SLC4A8: variants seen among roughly 807,000 people sequenced by gnomAD.
SLC4A8 encodes solute carrier family 4 member 8.
Under a neutral mutation model 125.0 loss-of-function variants are expected in SLC4A8, and 40 were observed. The observed-to-expected ratio is 0.32, with a 90% confidence interval of 0.25 to 0.42. The LOEUF (loss-of-function observed/expected upper bound fraction) is 0.42. Ranked by LOEUF, SLC4A8 falls within the 10% of genes least tolerant of loss-of-function variation. SLC4A8 has a pLI of 1.00. For synonymous variants in SLC4A8, 456 were observed against 476.0 expected (o/e 0.96, Z 0.55); for missense variants, 863 against 1,355.1 (o/e 0.64, Z 5.70).
At chr12:51,507,355 C>A in intron 24 of SLC4A8, 71 bp from the exon 25 acceptor site, 1 of 1,054,950 alleles carries the variant, frequency 9.5e-7, no homozygotes, top group South Asian at 3.5e-5. Flanking sequence ...GTGACATCTT[C>A]AAAGTATTGT....
chr12:51,452,135 C>T lies in SLC4A8; in HGVS notation c.289C>T (p.Gln97Ter). ...GGTTGATTTCCTAGACACACCATCTCAGCGTGTTCAGTTCATTCTTGGCAC... is the reference window on the plus strand; with the variant it reads ...GGTTGATTTCCTAGACACACCATCTTAGCGTGTTCAGTTCATTCTTGGCAC... ...LEALAHDTPS[Q>*]RVQFILGTEE... The change falls in exon 4 of 25, where the codon CAG becomes TAG. Residue 97 changes from glutamine to a stop codon, truncating the protein, a stop_gained. Coordinates refer to ENST00000453097, the MANE Select transcript of SLC4A8 (RefSeq NM_001039960.3). LOFTEE classifies it high-confidence loss of function. 6.2e-7 allele frequency: 1 copy of T among 1,614,128 alleles called. No homozygotes were observed. Among genetic ancestry groups the T allele is most frequent in the Non-Finnish European group, 8.5e-7 (1 of 1,179,950 alleles).
intron 1 of SLC4A8, among the ~76,000 whole-genome samples, chr12:51,402,649 G>A (rs928653398): frequency 6.6e-6 from 1 of 152,160 alleles, no homozygotes; most frequent in Non-Finnish European, 1.5e-5. Context: ...TTGAACCTGG[G>A]AGGTGGAGGT....
Position 51,512,251 on chromosome 12 carries a change from T to G in SLC4A8, c.*4813T>G, listed in dbSNP as rs933579285. 3 of 152,208 alleles carry G rather than the reference T, an allele frequency of 2.0e-5. No homozygotes were observed. The highest frequency in any genetic ancestry group is 1.3e-4 in the Admixed American group (2 of 15,282). 9.4% of individuals were successfully genotyped at this position (152,208 alleles called of 1,614,324 possible). A position where few individuals can be genotyped will look rare whatever the true frequency, so the allele number is the denominator to read the frequency against. On this transcript the variant is annotated 3_prime_UTR_variant, in exon 25 of 25. Coordinates refer to ENST00000453097, the MANE Select transcript of SLC4A8 (RefSeq NM_001039960.3). ...ACAAGGCTGGAATATGGCCCTCTGCTGTAGGGGGCGTGGCACCTGTGACTT... is the reference window on the plus strand; with the variant it reads ...ACAAGGCTGGAATATGGCCCTCTGCGGTAGGGGGCGTGGCACCTGTGACTT...
At chr12:51,424,062 AC>A (rs1565762218), upstream of SLC4A8, among the ~76,000 whole-genome samples, 54 of 51,884 alleles carry the variant, frequency 1.0e-3, 3 homozygotes, top group East Asian at 6.8e-3. Context: ...AACAAAAAAA[AC>A]AACAAAAAAA....
intron 1 of SLC4A8, among the ~76,000 whole-genome samples, chr12:51,433,856 T>C (rs1365938227): frequency 3.4e-5 from 2 of 58,278 alleles, no homozygotes; most frequent in African/African-American, 1.4e-4. Context: ...CATCTGTTTT[T>C]TTTTTTTTTT....
chr12:51,414,967 T>A (rs1948658201), intron 1 of SLC4A8, among the ~76,000 whole-genome samples: 1 of 152,224 alleles, frequency 6.6e-6, no homozygotes, highest in Admixed American at 6.5e-5. Context: ...TATATTGATT[T>A]GCATATGTTC....
chr12:51,475,816 A>AT (rs1272113449), intron 16 of SLC4A8, among the ~76,000 whole-genome samples: 2 of 152,324 alleles, frequency 1.3e-5, no homozygotes, highest in East Asian at 3.9e-4. Flanking sequence ...TACATGGGCC[A>AT]TTTCTTTGAA....
At chr12:51,507,386 A>G (rs763987895) in intron 24 of SLC4A8, 40 bp from the exon 25 acceptor site, 4 of 1,302,172 alleles carry the variant, frequency 3.1e-6, no homozygotes, top group Non-Finnish European at 3.0e-6. Flanking sequence ...GGAATGAATC[A>G]TATGTTCCCT....
intron 7 of SLC4A8, 52 bp from the exon 8 acceptor site, chr12:51,459,899 A>G: frequency 1.3e-6 from 2 of 1,487,888 alleles, no homozygotes; most frequent in Non-Finnish European, 1.8e-6. Flanking sequence ...TTTAAAAACG[A>G]TATTTAAGGT....
rs773094937 is a variant in SLC4A8 at position 51,489,684 on chromosome 12, C to T, written c.2449-16C>T. 7 of 1,613,820 alleles carry T rather than the reference C, an allele frequency of 4.3e-6. No individual in the cohort carries two copies. Among genetic ancestry groups the T allele is most frequent in the Non-Finnish European group, 5.9e-6 (7 of 1,179,858 alleles). On this transcript the variant is annotated splice_polypyrimidine_tract_variant and intron_variant, in intron 18 of 24. Coordinates refer to ENST00000453097, the MANE Select transcript of SLC4A8 (RefSeq NM_001039960.3). ...GCTAGCCTACTGATGGTGACAAAGA[C>T]TCTGTTTCCCCACAGAAAGGCTGTG... is the stretch of plus-strand genomic sequence containing the variant.
chr12:51,398,840 C>T (rs1369207212), intron 1 of SLC4A8, among the ~76,000 whole-genome samples: 1 of 152,192 alleles, frequency 6.6e-6, no homozygotes, highest in Non-Finnish European at 1.5e-5. Context: ...ATCTCTGCCT[C>T]CCGGGTTCAA....
chr12:51,425,188 C>T, intron 1 of SLC4A8, 153 bp downstream of exon 1: 1 of 1,421,266 alleles, frequency 7.0e-7, no homozygotes, highest in Non-Finnish European at 9.2e-7. Context: ...GGGGGCGCTC[C>T]GGGCGGTTGG....
chr12:51,395,209 C>G (rs1462870653), intron 1 of SLC4A8, among the ~76,000 whole-genome samples: 1 of 152,158 alleles, frequency 6.6e-6, no homozygotes, highest in Non-Finnish European at 1.5e-5. Flanking sequence ...TCTCCAGAAA[C>G]CTTGGGTCCA....
intron 11 of SLC4A8, among the ~76,000 whole-genome samples, chr12:51,465,954 ATTAG>A (rs1565797549): frequency 6.6e-6 from 1 of 152,216 alleles, no homozygotes; most frequent in Non-Finnish European, 1.5e-5. Flanking sequence ...TTTTCGGACT[ATTAG>A]TTGTGTTTCT....
intron 1 of SLC4A8, among the ~76,000 whole-genome samples, chr12:51,418,866 T>C (rs1227844903): frequency 1.3e-5 from 2 of 152,192 alleles, no homozygotes; most frequent in Non-Finnish European, 2.9e-5. Flanking sequence ...GTAATAGTTA[T>C]TTTCAGAACT....
In SLC4A8 at chr12:51,493,727, C is replaced by T. The variant is rs148132306; in HGVS notation, c.2724C>T (p.Tyr908=). 5.0e-5 allele frequency: 80 copies of T among 1,610,048 alleles called. No homozygotes were observed. Among genetic ancestry groups the T allele is most frequent in the Non-Finnish European group, 5.6e-5 (66 of 1,176,424 alleles). The change falls in exon 20 of 25, where the codon TAC becomes TAT. Residue 908 remains tyrosine, a synonymous_variant. Transcript: ENST00000453097. ...ILKFIPMPVL[Y]GVFLYMGVSS... ...AGTTTATTCCAATGCCAGTACTCTA[C>T]GGAGTTTTCCTTTACATGGGAGTTT...
intron 1 of SLC4A8, among the ~76,000 whole-genome samples, chr12:51,413,289 A>G (rs1193213646): frequency 6.6e-6 from 1 of 151,786 alleles, no homozygotes; most frequent in Admixed American, 6.6e-5. Context: ...TTTGCTGTTG[A>G]GTTCTTTATA....
chr12:51,433,664 G>A (rs1949270981), intron 1 of SLC4A8, among the ~76,000 whole-genome samples: 3 of 152,104 alleles, frequency 2.0e-5, no homozygotes. Flanking sequence ...CAATTGGTGA[G>A]GAATCTGCAG....
At chr12:51,403,722 A>G (rs1307090117) in intron 1 of SLC4A8, among the ~76,000 whole-genome samples, 3 of 152,248 alleles carry the variant, frequency 2.0e-5, no homozygotes, top group Admixed American at 2.0e-4. Context: ...TATTTTATTT[A>G]ACACCCGGCA....
Sources: allele counts gnomAD v4.1 joint callset (sites outside exome capture counted in the v4.1 genomes callset), GRCh38; gene constraint gnomAD v4.1.1; transcripts MANE v1.5; gene names NCBI Gene and HGNC (gene_info 2026-07-23, HGNC 2026-07-21).